ZNF804A: variants seen among roughly 807,000 people sequenced by gnomAD.
ZNF804A encodes the protein zinc finger protein 804A.
A neutral mutation model predicts 16.5 loss-of-function variants in ZNF804A; 2 were observed. The ratio of observed to expected loss-of-function variants is 0.12; its 90% CI spans 0.05 to 0.38. ZNF804A has a LOEUF of 0.38. ZNF804A is among the 10% of genes least tolerant of loss of function. The pLI is 0.99. For synonymous variants in ZNF804A, 534 were observed against 489.6 expected, an observed-to-expected ratio of 1.09 and a Z score of -1.20; for missense variants, 1,473 against 1,390.7, an observed-to-expected ratio of 1.06 and a Z score of -0.94.
chr2:184,731,206 G>A (rs1319748477), intron 1 of ZNF804A, among the ~76,000 whole-genome samples: 5 of 125,022 alleles, frequency 4.0e-5, no homozygotes, highest in Non-Finnish European at 6.4e-5. Flanking sequence ...AGCTGAGATC[G>A]TGCCACTGCA....
chr2:184,721,953 G>A (rs2105742771), intron 1 of ZNF804A, among the ~76,000 whole-genome samples: 1 of 152,074 alleles, frequency 6.6e-6, no homozygotes, highest in Non-Finnish European at 1.5e-5. Flanking sequence ...GGAGCTGGAG[G>A]GCATTATGTT....
At chr2:184,778,540 C>A (rs886539966) in intron 1 of ZNF804A, among the ~76,000 whole-genome samples, 1 of 151,558 alleles carries the variant, frequency 6.6e-6, no homozygotes, top group African/African-American at 2.4e-5. Flanking sequence ...CTATTTGTAG[C>A]AATTTCATAA....
At chr2:184,604,347 G>A (rs1178357916) in intron 1 of ZNF804A, among the ~76,000 whole-genome samples, 1 of 150,616 alleles carries the variant, frequency 6.6e-6, no homozygotes, top group African/African-American at 2.4e-5. Flanking sequence ...ATTTTTTTTT[G>A]TATTTTTAGT....
chr2:184,611,255 GC>G lies in ZNF804A; in HGVS notation c.111+12186del, dbSNP rs75398206. Among the ~76,000 whole-genome samples the G allele has an allele frequency of 2.3e-3, 350 of 152,202 alleles. 7 individuals are homozygous for G. In the East Asian group the frequency reaches 0.063, roughly 27 times the overall value. ...TCATCTCTGATACCATCACATTGGGGCTTAGAATTTCAACATATACTTTTTT... is the reference window on the plus strand; with the variant it reads ...TCATCTCTGATACCATCACATTGGGGTTAGAATTTCAACATATACTTTTTT... On this transcript the variant is annotated intron_variant, in intron 1 of 3. Coordinates refer to ENST00000302277, the MANE Select transcript of ZNF804A (RefSeq NM_194250.2).
intron 1 of ZNF804A, among the ~76,000 whole-genome samples, chr2:184,710,035 G>A (rs1422846706): frequency 6.6e-6 from 1 of 150,932 alleles, no homozygotes; most frequent in Non-Finnish European, 1.5e-5. Flanking sequence ...TTTATTACAG[G>A]AAATGATACA....
intron 1 of ZNF804A, among the ~76,000 whole-genome samples, chr2:184,810,790 G>A (rs969872714): frequency 6.6e-6 from 1 of 151,930 alleles, no homozygotes; most frequent in Non-Finnish European, 1.5e-5. Context: ...GCGCCTGGCC[G>A]AAACATTTTT....
At chr2:184,816,214 C>G (rs1458383186) in intron 1 of ZNF804A, among the ~76,000 whole-genome samples, 1 of 152,004 alleles carries the variant, frequency 6.6e-6, no homozygotes, top group Non-Finnish European at 1.5e-5. Context: ...TTCAGCAAGC[C>G]ACTAGGCAGC....
chr2:184,810,211 T>C (rs887234065), intron 1 of ZNF804A, among the ~76,000 whole-genome samples: 3 of 152,192 alleles, frequency 2.0e-5, no homozygotes, highest in African/African-American at 7.2e-5. Flanking sequence ...GAACAAATAC[T>C]ATATGGTCTC....
intron 1 of ZNF804A, among the ~76,000 whole-genome samples, chr2:184,825,902 C>T (rs917786133): frequency 2.0e-5 from 3 of 151,712 alleles, no homozygotes; most frequent in African/African-American, 7.3e-5. Context: ...GACAGAGTCT[C>T]ACTCTGTCAC....
At chr2:184,813,250 T>C (rs757665978) in intron 1 of ZNF804A, among the ~76,000 whole-genome samples, 5 of 152,132 alleles carry the variant, frequency 3.3e-5, no homozygotes, top group Non-Finnish European at 7.4e-5. Context: ...AAAAAAAGTA[T>C]AAAACTGCTC....
rs1685810398 is a variant in ZNF804A, at chr2:184,937,436, A to G, written c.2040A>G (p.Glu680=). Residue 680 remains glutamate (E), a synonymous_variant, in exon 4 of 4, where the codon GAA becomes GAG. Coordinates refer to ENST00000302277, the MANE Select transcript of ZNF804A (RefSeq NM_194250.2). The part of the protein sequence containing the change: ...NEEMCKTWNT[E]YNTYDTISSK... ...AAATGTGTAAAACATGGAATACTGAATACAACACTTATGATACTATCAGTT... is the reference window on the plus strand; with the variant it reads ...AAATGTGTAAAACATGGAATACTGAGTACAACACTTATGATACTATCAGTT... The G allele has an allele frequency of 1.9e-6, 3 of 1,612,452 alleles. No homozygotes were observed. The African/African-American group carries it at 4.0e-5, about 22-fold the overall frequency.
At chr2:184,794,699 A>G (rs1694604468) in intron 1 of ZNF804A, among the ~76,000 whole-genome samples, 1 of 152,156 alleles carries the variant, frequency 6.6e-6, no homozygotes, top group African/African-American at 2.4e-5. Flanking sequence ...GCTCTGCATA[A>G]AAGATACAAA....
At chr2:184,671,015 A>G (rs1692331825) in intron 1 of ZNF804A, among the ~76,000 whole-genome samples, 1 of 152,124 alleles carries the variant, frequency 6.6e-6, no homozygotes, top group Non-Finnish European at 1.5e-5. Flanking sequence ...TTACAGATTT[A>G]ATATCCAACC....
intron 1 of ZNF804A, among the ~76,000 whole-genome samples, chr2:184,772,839 G>GT (rs1383975133): frequency 6.6e-6 from 1 of 150,476 alleles, no homozygotes; most frequent in African/African-American, 2.4e-5. Flanking sequence ...CATCCTAGTG[G>GT]ATGTGACATG....
At chr2:184,828,375 A>G (rs912432812) in intron 1 of ZNF804A, among the ~76,000 whole-genome samples, 23 of 151,848 alleles carry the variant, frequency 1.5e-4, no homozygotes, top group African/African-American at 5.3e-4. Flanking sequence ...TGATGCTGCA[A>G]GTAAAAACTG....
At position 184,926,726 on chromosome 2, in the gene ZNF804A, G is replaced by T. The variant is rs184897516; in HGVS notation, c.256-6877G>T. On this transcript the variant is annotated intron_variant, in intron 2 of 3. Coordinates refer to ENST00000302277, the MANE Select transcript of ZNF804A (RefSeq NM_194250.2). ...TTTTGCTTTTGTCTCCTCTGACTTC[G>T]TGTTTTTAAATAGCCTATCTTCAAG... 6.2e-3 allele frequency among the ~76,000 whole-genome samples: 944 copies of T among 152,072 alleles called. 9 individuals are homozygous for T. The highest frequency in any genetic ancestry group is 0.061 in the Middle Eastern group (18 of 294).
At chr2:184,734,681 T>C (rs113319517) in intron 1 of ZNF804A, among the ~76,000 whole-genome samples, 2,265 of 152,300 alleles carry the variant, frequency 0.015, 63 homozygotes, top group African/African-American at 0.051. Flanking sequence ...TTCATTTTAT[T>C]TAGTTGATTG....
At chr2:184,814,745 TA>T (rs1036311776) in intron 1 of ZNF804A, among the ~76,000 whole-genome samples, 24 of 152,170 alleles carry the variant, frequency 1.6e-4, no homozygotes, top group African/African-American at 5.1e-4. Context: ...GGCATCTTTT[TA>T]AAACGTGGGG....
intron 1 of ZNF804A, among the ~76,000 whole-genome samples, chr2:184,848,065 G>C (rs978138137): frequency 6.6e-6 from 1 of 151,956 alleles, no homozygotes; most frequent in Non-Finnish European, 1.5e-5. Context: ...AGCCATTGAT[G>C]ATTGACTCAA....
Sources: allele counts gnomAD v4.1 joint callset (sites outside exome capture counted in the v4.1 genomes callset), GRCh38; gene constraint gnomAD v4.1.1; transcripts MANE v1.5; gene names NCBI Gene and HGNC (gene_info 2026-07-23, HGNC 2026-07-21).